ADK: variants seen among roughly 807,000 people sequenced by gnomAD.
The protein encoded by ADK is N6,N6-dimethyladenosine kinase.
Under a neutral mutation model 44.7 loss-of-function variants are expected in ADK, and 24 were observed. The ratio of observed to expected loss-of-function variants is 0.54; its 90% CI spans 0.39 to 0.76. The LOEUF (loss-of-function observed/expected upper bound fraction) is 0.76. Among genes scored for constraint, ADK ranks in the 30% least tolerant of loss-of-function variants. ADK has a pLI of 0.00. For missense variants in ADK, 321 were observed against 425.1 expected (o/e 0.76, Z 2.15); for synonymous variants, 128 against 142.6 (o/e 0.90, Z 0.73).
At chr10:74,333,766 A>G (rs1463456892) in intron 4 of ADK, among the ~76,000 whole-genome samples, 1 of 152,198 alleles carries the variant, frequency 6.6e-6, no homozygotes, top group Non-Finnish European at 1.5e-5. Flanking sequence ...ATGCTTGAAT[A>G]GGTATTGAAG....
chr10:74,655,343 G>T, intron 9 of ADK: 2 of 417,614 alleles, frequency 4.8e-6, no homozygotes, highest in South Asian at 4.0e-5. Flanking sequence ...GAATGTGTCA[G>T]ACATGGGACC....
intron 3 of ADK, among the ~76,000 whole-genome samples, chr10:74,227,313 G>T (rs1844578126): frequency 6.6e-6 from 1 of 152,154 alleles, no homozygotes; most frequent in African/African-American, 2.4e-5. Context: ...TTGTAAAAAT[G>T]TGTTGGCACC....
intron 1 of ADK, among the ~76,000 whole-genome samples, chr10:74,180,840 C>T (rs548130853): frequency 2.6e-5 from 4 of 152,278 alleles, no homozygotes; most frequent in East Asian, 3.9e-4. Context: ...CGTGAGCCAC[C>T]GCCCCCAGCC....
intron 10 of ADK, among the ~76,000 whole-genome samples, chr10:74,678,464 AT>A (rs1855487515): frequency 1.3e-5 from 2 of 152,220 alleles, no homozygotes; most frequent in Admixed American, 1.3e-4. Flanking sequence ...GAAGCCTGTA[AT>A]TTCTCATCAA....
chr10:74,597,925 A>G (rs765890506), intron 8 of ADK, among the ~76,000 whole-genome samples: 3 of 152,174 alleles, frequency 2.0e-5, no homozygotes, highest in Non-Finnish European at 4.4e-5. Flanking sequence ...TCTCTACTAT[A>G]ACATTATGAT....
chr10:74,259,512 A>AGT (rs1845961867), intron 3 of ADK, among the ~76,000 whole-genome samples: 1 of 135,946 alleles, frequency 7.4e-6, no homozygotes, highest in Non-Finnish European at 1.5e-5. Context: ...GCTGGAGTGC[A>AGT]GTGGCGCGAT....
chr10:74,563,058 A>T (rs919778256), intron 7 of ADK, among the ~76,000 whole-genome samples: 1 of 151,998 alleles, frequency 6.6e-6, no homozygotes, highest in Non-Finnish European at 1.5e-5. Flanking sequence ...TTTTATTTTT[A>T]ATTTTTTTTA....
chr10:74,422,804 C>T (rs1002651630), intron 6 of ADK, among the ~76,000 whole-genome samples: 20 of 152,258 alleles, frequency 1.3e-4, no homozygotes, highest in Middle Eastern at 6.8e-3. Flanking sequence ...TTAGTCAGAA[C>T]AGGGTTTAGT....
chr10:74,394,384 G>A (rs1843439660), intron 5 of ADK, 71 bp downstream of exon 5: 3 of 1,455,942 alleles, frequency 2.1e-6, no homozygotes, highest in Non-Finnish European at 2.9e-6. Flanking sequence ...GAATTCCAAT[G>A]TGAATTTGGA....
At chr10:74,426,728 T>C (rs759713457) in intron 6 of ADK, among the ~76,000 whole-genome samples, 40 of 152,204 alleles carry the variant, frequency 2.6e-4, no homozygotes, top group Non-Finnish European at 5.3e-4. Flanking sequence ...TAAATAAAAA[T>C]GATATCACTG....
intron 7 of ADK, among the ~76,000 whole-genome samples, chr10:74,559,928 C>T (rs1850394974): frequency 6.7e-6 from 1 of 149,360 alleles, no homozygotes; most frequent in Admixed American, 6.7e-5. Context: ...TGCAGTTTGT[C>T]CATTGACTTT....
At chr10:74,470,006 AT>A in intron 6 of ADK, among the ~76,000 whole-genome samples, 1 of 135,746 alleles carries the variant, frequency 7.4e-6, no homozygotes, top group Middle Eastern at 4.1e-3. Context: ...GTAATATTCC[AT>A]TTTGTATATA....
intron 2 of ADK, among the ~76,000 whole-genome samples, chr10:74,222,789 C>T (rs111587169): frequency 2.1e-5 from 3 of 145,810 alleles, no homozygotes; most frequent in South Asian, 4.2e-4. Context: ...CATATTCTCA[C>T]TCATAGGTGG....
At chr10:74,583,053 G>A (rs766784160) in intron 7 of ADK, among the ~76,000 whole-genome samples, 6 of 152,064 alleles carry the variant, frequency 3.9e-5, no homozygotes, top group Non-Finnish European at 7.4e-5. Context: ...TAATACTAAC[G>A]TGGTATCATA....
intron 6 of ADK, among the ~76,000 whole-genome samples, chr10:74,479,355 T>G (rs1345363601): frequency 6.6e-6 from 1 of 151,770 alleles, no homozygotes; most frequent in Non-Finnish European, 1.5e-5. Flanking sequence ...TGGCCTGGTT[T>G]ATCATTCTCT....
At chr10:74,206,879 C>A (rs1843616975) in intron 2 of ADK, among the ~76,000 whole-genome samples, 1 of 152,174 alleles carries the variant, frequency 6.6e-6, no homozygotes, top group African/African-American at 2.4e-5. Flanking sequence ...CCAGAAGCCA[C>A]TGTGGTTGGT....
chr10:74,152,985 C>G (rs1564563259), intron 1 of ADK, among the ~76,000 whole-genome samples: 2 of 152,120 alleles, frequency 1.3e-5, no homozygotes, highest in Non-Finnish European at 2.9e-5. Flanking sequence ...GCTATTATTA[C>G]TTTTATTATA....
At chr10:74,689,688 C>G (rs1017925373) in intron 10 of ADK, among the ~76,000 whole-genome samples, 3 of 152,178 alleles carry the variant, frequency 2.0e-5, no homozygotes, top group African/African-American at 7.2e-5. Flanking sequence ...AAAAGTAGCT[C>G]ATCCATAAAG....
At chr10:74,301,905 C>T (rs1165241747) in intron 3 of ADK, among the ~76,000 whole-genome samples, 1 of 151,946 alleles carries the variant, frequency 6.6e-6, no homozygotes. Context: ...TAGTTGTCTT[C>T]ATAATGTAAT....
Sources: gnomAD v4.1 joint callset for allele counts (sites outside exome capture counted in the v4.1 genomes callset) on GRCh38, gnomAD v4.1.1 for gene constraint, MANE v1.5 for transcripts, NCBI Gene and HGNC (gene_info 2026-07-23, HGNC 2026-07-21) for gene names.